The following EXOC4 variants were observed in gnomAD, a reference collection of about 807,000 sequenced individuals.
EXOC4 encodes the protein exocyst complex component 4, also known as SEC8-like 1.
Under a neutral mutation model 107.2 loss-of-function variants are expected in EXOC4, and 71 were observed. The ratio of observed to expected loss-of-function variants is 0.66; its 90% CI spans 0.55 to 0.81. The LOEUF (loss-of-function observed/expected upper bound fraction) is 0.81, where lower values mean the gene tolerates loss of function less well. Ranked by LOEUF, EXOC4 falls within the 30% of genes least tolerant of loss-of-function variation. The pLI, the probability that EXOC4 is intolerant of heterozygous loss-of-function variation, is 0.00. For synonymous variants in EXOC4, 456 were observed against 441.2 expected (o/e 1.03, Z -0.42); for missense variants, 1,108 against 1,189.6 (o/e 0.93, Z 1.01).
intron 11 of EXOC4, among the ~76,000 whole-genome samples, chr7:133,844,243 A>G (rs1465876768): frequency 1.3e-5 from 2 of 151,952 alleles, no homozygotes; most frequent in Non-Finnish European, 2.9e-5. Flanking sequence ...GCTCTTCTTT[A>G]TACATCTGGT....
chr7:133,994,249 A>T (rs1227059391), intron 14 of EXOC4, among the ~76,000 whole-genome samples: 1 of 152,164 alleles, frequency 6.6e-6, no homozygotes, highest in African/African-American at 2.4e-5. Context: ...TTTGCTGAGG[A>T]TGATGGTTTC....
intron 10 of EXOC4, among the ~76,000 whole-genome samples, chr7:133,652,213 T>G (rs1803174898): frequency 6.6e-6 from 1 of 152,148 alleles, no homozygotes; most frequent in African/African-American, 2.4e-5. Context: ...TTAAAAAGAT[T>G]TACATGTGAA....
At chr7:133,598,279 C>T (rs1447340205) in intron 9 of EXOC4, among the ~76,000 whole-genome samples, 1 of 152,204 alleles carries the variant, frequency 6.6e-6, no homozygotes, top group Non-Finnish European at 1.5e-5. Context: ...CTCATCTAAT[C>T]ACCTGAGTTA....
At chr7:133,749,259 G>A (rs1290451733) in intron 10 of EXOC4, among the ~76,000 whole-genome samples, 2 of 152,260 alleles carry the variant, frequency 1.3e-5, no homozygotes, top group East Asian at 1.9e-4. Flanking sequence ...AGGGATGATG[G>A]AAAGGAGAGA....
intron 10 of EXOC4, among the ~76,000 whole-genome samples, chr7:133,763,128 G>A (rs1343664235): frequency 1.3e-5 from 2 of 152,064 alleles, no homozygotes; most frequent in South Asian, 2.1e-4. Flanking sequence ...CTAATGTAGA[G>A]AATCACCATA....
At chr7:133,672,386 G>A (rs551616804) in intron 10 of EXOC4, among the ~76,000 whole-genome samples, 1 of 136,926 alleles carries the variant, frequency 7.3e-6, no homozygotes, top group East Asian at 2.1e-4. Flanking sequence ...GTGAGACTCC[G>A]TTTAAAAAAA....
At chr7:133,412,524 A>T (rs1452006167) in intron 7 of EXOC4, among the ~76,000 whole-genome samples, 22 of 152,120 alleles carry the variant, frequency 1.4e-4, no homozygotes, top group Non-Finnish European at 2.9e-5. Flanking sequence ...CAACCACACA[A>T]TTAATCCCAA....
At chr7:133,833,042 T>C (rs988174999) in intron 11 of EXOC4, among the ~76,000 whole-genome samples, 2 of 146,150 alleles carry the variant, frequency 1.4e-5, no homozygotes, top group African/African-American at 4.9e-5. Context: ...AACACTCCCT[T>C]AACACACACA....
At chr7:133,733,856 G>T (rs572990857) in intron 10 of EXOC4, among the ~76,000 whole-genome samples, 2 of 152,146 alleles carry the variant, frequency 1.3e-5, no homozygotes, top group Admixed American at 6.5e-5. Flanking sequence ...AGAAATCTTA[G>T]GGTGATCTAT....
chr7:133,548,618 T>C (rs1042200044), intron 9 of EXOC4, among the ~76,000 whole-genome samples: 2 of 152,324 alleles, frequency 1.3e-5, no homozygotes, highest in South Asian at 2.1e-4. Context: ...CCTTGCCCTT[T>C]TATGTTATAT....
intron 15 of EXOC4, among the ~76,000 whole-genome samples, chr7:134,004,429 A>G (rs1794596802): frequency 6.6e-6 from 1 of 152,180 alleles, no homozygotes; most frequent in Non-Finnish European, 1.5e-5. Context: ...CTAAAGTCAT[A>G]CAGCTGGTGA....
chr7:133,539,593 TG>T (rs141692200), intron 9 of EXOC4, among the ~76,000 whole-genome samples: 1,785 of 147,194 alleles, frequency 0.012, 38 homozygotes, highest in African/African-American at 0.041. Flanking sequence ...GTCTGTGGGG[TG>T]GGGGGGTATA....
intron 17 of EXOC4, among the ~76,000 whole-genome samples, chr7:134,045,708 A>G (rs986193020): frequency 2.6e-5 from 4 of 152,128 alleles, no homozygotes; most frequent in Non-Finnish European, 5.9e-5. Flanking sequence ...AGCCATCATC[A>G]CCAGCTAGTT....
intron 17 of EXOC4, among the ~76,000 whole-genome samples, chr7:134,029,680 C>T (rs1292541963): frequency 6.6e-6 from 1 of 152,102 alleles, no homozygotes; most frequent in Non-Finnish European, 1.5e-5. Flanking sequence ...CAATCACTCT[C>T]AGCTAATTTT....
chr7:133,409,116 CTG>C (rs1797297730), intron 7 of EXOC4, among the ~76,000 whole-genome samples: 1 of 152,278 alleles, frequency 6.6e-6, no homozygotes, highest in African/African-American at 2.4e-5. Context: ...GGCTGTACCT[CTG>C]TGTTGTTCAT....
intron 9 of EXOC4, among the ~76,000 whole-genome samples, chr7:133,483,736 C>T (rs1332180314): frequency 6.6e-6 from 1 of 152,202 alleles, no homozygotes; most frequent in African/African-American, 2.4e-5. Context: ...GATGGTGTTT[C>T]ATTCAGGAGG....
chr7:133,779,476 G>C (rs1037812086), intron 10 of EXOC4, among the ~76,000 whole-genome samples: 8 of 152,138 alleles, frequency 5.3e-5, no homozygotes, highest in Non-Finnish European at 1.0e-4. Flanking sequence ...GTAGGCCTTT[G>C]GATCATTTTG....
chr7:133,569,656 G>C (rs1250878394), intron 9 of EXOC4, among the ~76,000 whole-genome samples: 1 of 152,110 alleles, frequency 6.6e-6, no homozygotes, highest in Non-Finnish European at 1.5e-5. Flanking sequence ...GTGTGTGTAA[G>C]ACACACACAC....
chr7:134,037,583 G>A (rs1226375068), intron 17 of EXOC4, among the ~76,000 whole-genome samples: 1 of 152,110 alleles, frequency 6.6e-6, no homozygotes, highest in Admixed American at 6.5e-5. Flanking sequence ...CATGAGACCG[G>A]AGCAATGTTC....
Sources: allele counts gnomAD v4.1 joint callset (sites outside exome capture counted in the v4.1 genomes callset), GRCh38; gene constraint gnomAD v4.1.1; transcripts MANE v1.5; gene names NCBI Gene and HGNC (gene_info 2026-07-23, HGNC 2026-07-21).